Variants in ZNF385D observed in about 807,000 individuals in gnomAD.
ZNF385D encodes the protein zinc finger protein 659.
In ZNF385D, 15 loss-of-function variants were observed where a neutral mutation model predicts 35.8. The observed-to-expected ratio is 0.42, with a 90% CI of 0.28 to 0.64. The LOEUF (loss-of-function observed/expected upper bound fraction) is 0.64, where lower values mean the gene tolerates loss of function less well. Among genes scored for constraint, ZNF385D ranks in the 30% least tolerant of loss-of-function variants. The pLI, the probability that ZNF385D is intolerant of heterozygous loss-of-function variation, is 0.23. For missense variants in ZNF385D, 474 were observed against 494.6 expected, an observed-to-expected ratio of 0.96 and a Z score of 0.39; for synonymous variants, 212 against 186.8, an observed-to-expected ratio of 1.13 and a Z score of -1.10.
intron 2 of ZNF385D, among the ~76,000 whole-genome samples, chr3:22,270,863 GC>G (rs1358307223): frequency 6.6e-6 from 1 of 151,958 alleles, no homozygotes; most frequent in Non-Finnish European, 1.5e-5. Flanking sequence ...AATCTGAAAT[GC>G]CCTTTGCAAT....
intron 3 of ZNF385D, among the ~76,000 whole-genome samples, chr3:22,041,747 G>A (rs959654239): frequency 5.9e-5 from 9 of 152,066 alleles, no homozygotes; most frequent in Admixed American, 2.6e-4. Context: ...TTATAAGAGA[G>A]ATACTGAAGA....
At chr3:21,812,208 T>C (rs1267472312) in intron 3 of ZNF385D, among the ~76,000 whole-genome samples, 11 of 152,238 alleles carry the variant, frequency 7.2e-5, no homozygotes, top group African/African-American at 2.7e-4. Context: ...TAAATATTCC[T>C]TTAAAAGATA....
At chr3:21,806,757 C>G (rs1266427317) in intron 3 of ZNF385D, among the ~76,000 whole-genome samples, 3 of 152,160 alleles carry the variant, frequency 2.0e-5, no homozygotes, top group Non-Finnish European at 4.4e-5. Flanking sequence ...CTACCCTAGT[C>G]AGAAAACTCA....
intron 3 of ZNF385D, among the ~76,000 whole-genome samples, chr3:21,868,813 A>G (rs1452614739): frequency 6.6e-6 from 1 of 152,158 alleles, no homozygotes; most frequent in Non-Finnish European, 1.5e-5. Context: ...TTCAATTACA[A>G]TAATACTTTC....
intron 2 of ZNF385D, among the ~76,000 whole-genome samples, chr3:22,261,508 A>C (rs988120649): frequency 1.3e-5 from 2 of 151,786 alleles, no homozygotes; most frequent in African/African-American, 4.8e-5. Flanking sequence ...ATGTAGTGTC[A>C]ATGGGTGTGC....
At chr3:21,888,788 G>A (rs1040496723) in intron 3 of ZNF385D, among the ~76,000 whole-genome samples, 1 of 152,190 alleles carries the variant, frequency 6.6e-6, no homozygotes. Context: ...TAGGTGGCGA[G>A]TTTTCCCAAA....
intron 3 of ZNF385D, among the ~76,000 whole-genome samples, chr3:21,823,818 GA>G (rs1189293573): frequency 6.6e-6 from 1 of 152,086 alleles, no homozygotes; most frequent in African/African-American, 2.4e-5. Context: ...GGTTACAACA[GA>G]AAAAAGAAAA....
At chr3:22,109,003 TTC>T (rs1702371197) in intron 3 of ZNF385D, among the ~76,000 whole-genome samples, 1 of 152,004 alleles carries the variant, frequency 6.6e-6, no homozygotes, top group Admixed American at 6.6e-5. Context: ...CAGAGCAAGA[TTC>T]TGTCTCAAAA....
chr3:22,301,454 T>C (rs2125412404), intron 2 of ZNF385D, among the ~76,000 whole-genome samples: 1 of 152,204 alleles, frequency 6.6e-6, no homozygotes, highest in African/African-American at 2.4e-5. Flanking sequence ...GGAATAAGTA[T>C]GTACAGTAAT....
chr3:22,295,391 C>T (rs993691289), intron 2 of ZNF385D, among the ~76,000 whole-genome samples: 2 of 152,136 alleles, frequency 1.3e-5, no homozygotes, highest in Non-Finnish European at 2.9e-5. Flanking sequence ...TGCCACCTCA[C>T]ATGCCTCCAA....
rs543852720 is a variant in ZNF385D, at chr3:21,643,325, T to A, written c.165+21561A>T. Among the ~76,000 whole-genome samples, 122 of 152,154 alleles carry A rather than the reference T, an allele frequency of 8.0e-4. 1 individual carries two copies. Among genetic ancestry groups the A allele is most frequent in the Non-Finnish European group, 1.5e-3 (102 of 68,002 alleles). On this transcript the variant is annotated intron_variant, in intron 2 of 7. Transcript: ENST00000281523. ...GAAGGTAAAAAGCTAGCATTGGTTG[T>A]TAAATAAGAAGGTGAGTAGCAGAAT...
intron 3 of ZNF385D, among the ~76,000 whole-genome samples, chr3:21,875,233 G>A (rs936011673): frequency 5.4e-5 from 8 of 148,312 alleles, no homozygotes; most frequent in South Asian, 2.2e-4. Flanking sequence ...CAATATGAAT[G>A]TCTTTTTATT....
At chr3:22,144,504 C>A (rs1704720625) in intron 3 of ZNF385D, among the ~76,000 whole-genome samples, 1 of 131,742 alleles carries the variant, frequency 7.6e-6, no homozygotes, top group Admixed American at 9.5e-5. Flanking sequence ...AGACAGGAGG[C>A]AGAGGCAGCA....
intron 2 of ZNF385D, among the ~76,000 whole-genome samples, chr3:22,247,384 T>C (rs1459369943): frequency 6.6e-6 from 1 of 152,096 alleles, no homozygotes; most frequent in Non-Finnish European, 1.5e-5. Flanking sequence ...AGATTTTTTA[T>C]ACTATGTGAA....
intron 3 of ZNF385D, among the ~76,000 whole-genome samples, chr3:21,532,956 C>T (rs924464269): frequency 6.6e-6 from 1 of 152,180 alleles, no homozygotes; most frequent in Non-Finnish European, 1.5e-5. Flanking sequence ...CATGCAACTG[C>T]TTCACACAGG....
chr3:21,880,664 C>T (rs960895414), intron 3 of ZNF385D, among the ~76,000 whole-genome samples: 2 of 151,946 alleles, frequency 1.3e-5, no homozygotes, highest in African/African-American at 4.8e-5. Context: ...AAGATTTGCA[C>T]ATTTCTCACG....
intron 3 of ZNF385D, among the ~76,000 whole-genome samples, chr3:21,822,305 C>G (rs1490947278): frequency 6.6e-6 from 1 of 152,174 alleles, no homozygotes; most frequent in South Asian, 2.1e-4. Context: ...ATCTCCTGAC[C>G]TTGTGATTCA....
chr3:22,284,108 C>T (rs190013515), intron 2 of ZNF385D, among the ~76,000 whole-genome samples: 3 of 152,176 alleles, frequency 2.0e-5, no homozygotes, highest in Non-Finnish European at 4.4e-5. Context: ...AGTACAACTG[C>T]CATTCTATAT....
intron 1 of ZNF385D, among the ~76,000 whole-genome samples, chr3:21,737,930 C>G (rs1255738233): frequency 1.3e-5 from 2 of 152,172 alleles, no homozygotes; most frequent in Non-Finnish European, 2.9e-5. Flanking sequence ...ACAGCACTCA[C>G]GTAAAGATAG....
Sources: allele counts gnomAD v4.1 joint callset (sites outside exome capture counted in the v4.1 genomes callset), GRCh38; gene constraint gnomAD v4.1.1; transcripts MANE v1.5; gene names NCBI Gene and HGNC (gene_info 2026-07-23, HGNC 2026-07-21).